Variants in CCDC126 observed in about 807,000 individuals in gnomAD.
CCDC126 encodes coiled-coil domain containing 126.
In CCDC126, 5 loss-of-function variants were observed where a neutral mutation model predicts 11.7. The ratio of observed to expected loss-of-function variants is 0.43; its 90% CI spans 0.22 to 0.90. CCDC126 has a LOEUF of 0.90. Ranked by LOEUF, CCDC126 falls within the 40% of genes least tolerant of loss-of-function variation. The probability of loss-of-function intolerance (pLI) is 0.27; values close to 1 mark genes in which losing one functional copy is unlikely to be tolerated. For missense variants in CCDC126, 150 were observed against 163.1 expected (o/e 0.92, Z 0.44); for synonymous variants, 60 against 61.9 (o/e 0.97, Z 0.14).
chr7:23,616,109 C>T (rs1423978101), intron 3 of CCDC126, among the ~76,000 whole-genome samples: 1 of 152,124 alleles, frequency 6.6e-6, no homozygotes, highest in African/African-American at 2.4e-5. Flanking sequence ...ACTTTTTCAC[C>T]CTAGAGTTTA....
At chr7:23,620,835 A>G (rs1271077064) in intron 3 of CCDC126, among the ~76,000 whole-genome samples, 1 of 152,190 alleles carries the variant, frequency 6.6e-6, no homozygotes, top group Non-Finnish European at 1.5e-5. Flanking sequence ...TTAAATAGGG[A>G]ATCCTTTCCC....
chr7:23,606,117 C>T (rs1302677054), intron 2 of CCDC126, among the ~76,000 whole-genome samples: 3 of 151,730 alleles, frequency 2.0e-5, no homozygotes, highest in Admixed American at 6.6e-5. Flanking sequence ...GGAGTGCAGT[C>T]GCGTGATCTC....
At chr7:23,617,520 T>C (rs1270606145) in intron 3 of CCDC126, among the ~76,000 whole-genome samples, 2 of 152,128 alleles carry the variant, frequency 1.3e-5, no homozygotes, top group Admixed American at 1.3e-4. Context: ...AAAAGGTTGA[T>C]GGCAAATGCT....
intron 3 of CCDC126, among the ~76,000 whole-genome samples, chr7:23,627,340 C>A (rs1783032778): frequency 6.6e-6 from 1 of 151,768 alleles, no homozygotes; most frequent in Non-Finnish European, 1.5e-5. Flanking sequence ...CATAGTGAGA[C>A]CCTGGCTCTA....
intron 3 of CCDC126, among the ~76,000 whole-genome samples, chr7:23,639,832 T>C (rs1247127163): frequency 6.6e-6 from 1 of 152,162 alleles, no homozygotes; most frequent in Admixed American, 6.5e-5. Context: ...ATACCTTTTT[T>C]CCCCACTTCT....
At chr7:23,636,138 T>C (rs1213645438) in intron 3 of CCDC126, among the ~76,000 whole-genome samples, 1 of 152,192 alleles carries the variant, frequency 6.6e-6, no homozygotes, top group African/African-American at 2.4e-5. Context: ...GGTGCCGGGA[T>C]TGCAGACGGA....
chr7:23,611,479 G>C lies in CCDC126; in HGVS notation c.164G>C (p.Arg55Thr), dbSNP rs1347831745. 2.5e-6 allele frequency: 4 copies of C among 1,614,038 alleles called. 1 individual carries two copies. In the South Asian group the frequency reaches 4.4e-5, roughly 18 times the overall value. ...LREQILDLSK[R>T]YVKALAEENK... ...GAGCAAATACTAGACTTAAGCAAAA[G>C]ATATGTTAAAGCTCTAGCAGAGGAA... Residue 55 changes from arginine to threonine, a missense_variant, in exon 3 of 4, where the codon AGA (arginine) becomes ACA (threonine). Physicochemically the swap from Arg to Thr is moderately conservative, Grantham distance 71 (BLOSUM62 -1). Coordinates refer to ENST00000307471, the MANE Select transcript of CCDC126 (RefSeq NM_138771.4).
chr7:23,606,207 C>A (rs141289817), intron 2 of CCDC126, among the ~76,000 whole-genome samples: 1 of 151,938 alleles, frequency 6.6e-6, no homozygotes, highest in Non-Finnish European at 1.5e-5. Flanking sequence ...TACAGGTGCC[C>A]GCCACCACAC....
chr7:23,627,918 A>G (rs907471429), intron 3 of CCDC126, among the ~76,000 whole-genome samples: 1 of 152,152 alleles, frequency 6.6e-6, no homozygotes, highest in African/African-American at 2.4e-5. Flanking sequence ...TTAATATTTA[A>G]ATGTTCTTCA....
intron 3 of CCDC126, among the ~76,000 whole-genome samples, chr7:23,635,829 T>C (rs563798893): frequency 6.6e-6 from 1 of 152,270 alleles, no homozygotes; most frequent in South Asian, 2.1e-4. Flanking sequence ...TTCTAGGCTT[T>C]TAGCTTCATT....
In CCDC126 at chr7:23,600,123, G is replaced by A. The variant is rs116003043; in HGVS notation, c.-146+2072G>A. ...AACTTTTACTGTAGCATAATGGTTAGTTTTCTTTTTGCCTTAACATTTTCT... is the reference window on the plus strand; with the variant it reads ...AACTTTTACTGTAGCATAATGGTTAATTTTCTTTTTGCCTTAACATTTTCT... On this transcript the variant is annotated intron_variant, in intron 2 of 3. Coordinates refer to ENST00000307471, the MANE Select transcript of CCDC126 (RefSeq NM_138771.4). Among the ~76,000 whole-genome samples, 524 of 152,244 alleles carry A rather than the reference G, an allele frequency of 3.4e-3. 5 individuals are homozygous for A. Among genetic ancestry groups the A allele is most frequent in the African/African-American group, 0.012 (504 of 41,560 alleles).
At chr7:23,622,596 G>A (rs1053870684) in intron 3 of CCDC126, 2 of 536,534 alleles carry the variant, frequency 3.7e-6, no homozygotes, top group Non-Finnish European at 7.6e-6. Flanking sequence ...GAGAAATTGG[G>A]GCAGAAGTAT....
intron 3 of CCDC126, among the ~76,000 whole-genome samples, chr7:23,625,819 C>T (rs1237083082): frequency 6.6e-6 from 1 of 151,674 alleles, no homozygotes; most frequent in Non-Finnish European, 1.5e-5. Context: ...CCACGCCCAG[C>T]TAATTTTTTT....
intron 3 of CCDC126, among the ~76,000 whole-genome samples, chr7:23,630,540 C>T (rs1783091973): frequency 6.6e-6 from 1 of 151,342 alleles, no homozygotes; most frequent in African/African-American, 2.4e-5. Flanking sequence ...GGTGTGGTGG[C>T]TCACACCTGT....
At chr7:23,637,232 C>T (rs1383647417) in intron 3 of CCDC126, among the ~76,000 whole-genome samples, 1 of 44,674 alleles carries the variant, frequency 2.2e-5, no homozygotes, top group Non-Finnish European at 4.3e-5. Context: ...CCCGGCCGGC[C>T]GCCCCGTTCG....
chr7:23,606,691 G>T (rs1584194416), intron 2 of CCDC126, among the ~76,000 whole-genome samples: 2 of 152,190 alleles, frequency 1.3e-5, no homozygotes, highest in African/African-American at 2.4e-5. Flanking sequence ...TTCTGCAGTT[G>T]GTTGAGCACT....
chr7:23,631,059 A>C (rs1479320147), intron 3 of CCDC126, among the ~76,000 whole-genome samples: 1 of 152,116 alleles, frequency 6.6e-6, no homozygotes, highest in South Asian at 2.1e-4. Flanking sequence ...GAAAAGAGGA[A>C]AAGTCTCAAA....
At chr7:23,614,287 G>A (rs1782761802) in intron 3 of CCDC126, among the ~76,000 whole-genome samples, 2 of 152,134 alleles carry the variant, frequency 1.3e-5, no homozygotes, top group African/African-American at 2.4e-5. Context: ...ATCTTCACCA[G>A]TAGATTCCAT....
At chr7:23,606,372 A>G (rs780427364) in intron 2 of CCDC126, among the ~76,000 whole-genome samples, 7 of 152,120 alleles carry the variant, frequency 4.6e-5, no homozygotes, top group Non-Finnish European at 7.3e-5. Context: ...AGTGGTTTTA[A>G]TATACATTTC....
Sources: allele counts gnomAD v4.1 joint callset (sites outside exome capture counted in the v4.1 genomes callset), GRCh38; gene constraint gnomAD v4.1.1; transcripts MANE v1.5; gene names NCBI Gene and HGNC (gene_info 2026-07-23, HGNC 2026-07-21).